The following GPC5 variants were observed in gnomAD, a reference collection of about 807,000 sequenced individuals.
The protein encoded by GPC5 is glypican 5.
A neutral mutation model predicts 53.9 loss-of-function variants in GPC5; 47 were observed. The observed-to-expected ratio is 0.87, with a 90% CI of 0.69 to 1.11. The LOEUF (loss-of-function observed/expected upper bound fraction) is 1.11. GPC5 is among the 50% of genes most tolerant of loss of function. GPC5 has a pLI of 0.00. For synonymous variants in GPC5, 286 were observed against 263.3 expected, an observed-to-expected ratio of 1.09 and a Z score of -0.84; for missense variants, 748 against 713.1, an observed-to-expected ratio of 1.05 and a Z score of -0.56.
intron 7 of GPC5, among the ~76,000 whole-genome samples, chr13:92,603,221 A>T (rs1039264737): frequency 6.6e-6 from 1 of 152,310 alleles, no homozygotes; most frequent in East Asian, 1.9e-4. Context: ...CAGTCATGAA[A>T]TTAGGTCCTT....
chr13:91,786,945 CTT>C (rs34996570), intron 5 of GPC5, among the ~76,000 whole-genome samples: 38 of 142,804 alleles, frequency 2.7e-4, no homozygotes, highest in Admixed American at 3.5e-4. Context: ...AAGTGTTTCT[CTT>C]TTTTTTTTTT....
At chr13:92,489,454 G>T (rs545761968) in intron 7 of GPC5, among the ~76,000 whole-genome samples, 1 of 152,234 alleles carries the variant, frequency 6.6e-6, no homozygotes, top group East Asian at 1.9e-4. Context: ...GAAGAATTAG[G>T]CAAGGTAATT....
In GPC5 at chr13:92,791,087, TAGA is replaced by T. The variant is rs1254647721; in HGVS notation, c.1562-75193_1562-75191del. On this transcript the variant is annotated intron_variant, in intron 7 of 7. Transcript: ENST00000377067. ...TATTCTGTGAAATTCAACAGTCAGT[TAGA>T]ATAAAGACCTATTCTGCTCTGTATT... 9.9e-5 allele frequency among the ~76,000 whole-genome samples: 15 copies of T among 152,208 alleles called. No homozygotes were observed. In the East Asian group the frequency reaches 2.9e-3, roughly 30 times the overall value.
At chr13:91,491,783 C>T (rs1290992787) in intron 2 of GPC5, among the ~76,000 whole-genome samples, 1 of 152,134 alleles carries the variant, frequency 6.6e-6, no homozygotes, top group African/African-American at 2.4e-5. Flanking sequence ...TTTGCCTCTC[C>T]TGTCTTCTAT....
chr13:92,044,968 T>A (rs965815365), intron 6 of GPC5, among the ~76,000 whole-genome samples: 1 of 152,210 alleles, frequency 6.6e-6, no homozygotes, highest in Admixed American at 6.5e-5. Context: ...CATCTTATTC[T>A]AAATAGGTTC....
chr13:92,303,913 G>A (rs532125376), intron 7 of GPC5, among the ~76,000 whole-genome samples: 2 of 152,234 alleles, frequency 1.3e-5, no homozygotes, highest in Admixed American at 1.3e-4. Context: ...AGGAGGGTAA[G>A]CACATAAATA....
chr13:92,847,992 G>C lies in GPC5; in HGVS notation c.1562-18290G>C, dbSNP rs1878667171. The stretch of plus-strand genomic sequence containing the variant: ...TCTGACTAGCTTTTTTAGTGGTGAA[G>C]GTAGTTTGGGCAGTGAGTCCCGAAG... On this transcript the variant is annotated intron_variant, in intron 7 of 7. Coordinates refer to ENST00000377067, the MANE Select transcript of GPC5 (RefSeq NM_004466.6). 2.0e-5 allele frequency among the ~76,000 whole-genome samples: 3 copies of C among 152,088 alleles called. No individual in the cohort carries two copies. In the South Asian group the frequency reaches 6.2e-4, roughly 32 times the overall value.
At chr13:91,463,365 A>G (rs1015156962) in intron 2 of GPC5, among the ~76,000 whole-genome samples, 1 of 152,134 alleles carries the variant, frequency 6.6e-6, no homozygotes, top group African/African-American at 2.4e-5. Flanking sequence ...CAACCCATAG[A>G]TACAAAAAGC....
chr13:91,530,203 A>G (rs1886277178), intron 2 of GPC5, among the ~76,000 whole-genome samples: 1 of 152,120 alleles, frequency 6.6e-6, no homozygotes. Flanking sequence ...GATCATCATT[A>G]CTCTTCACTT....
intron 2 of GPC5, among the ~76,000 whole-genome samples, chr13:91,498,586 G>A (rs1323059716): frequency 6.6e-6 from 1 of 152,158 alleles, no homozygotes; most frequent in Non-Finnish European, 1.5e-5. Flanking sequence ...GAATCTGGGA[G>A]ATCATCGTGT....
At chr13:92,067,589 A>C (rs1213875757) in intron 6 of GPC5, among the ~76,000 whole-genome samples, 3 of 152,150 alleles carry the variant, frequency 2.0e-5, no homozygotes, top group South Asian at 2.1e-4. Context: ...TTATCTGTAC[A>C]TAGGAAGATA....
intron 2 of GPC5, among the ~76,000 whole-genome samples, chr13:91,661,567 GA>G (rs994675129): frequency 9.2e-5 from 14 of 151,974 alleles, no homozygotes; most frequent in African/African-American, 2.7e-4. Flanking sequence ...GTACTGTGGG[GA>G]AAAAAAAGTA....
intron 5 of GPC5, among the ~76,000 whole-genome samples, chr13:91,874,360 C>T (rs2039179925): frequency 6.6e-6 from 1 of 151,800 alleles, no homozygotes; most frequent in Admixed American, 6.6e-5. Context: ...GTTTTTATCA[C>T]CTTTATAGGA....
intron 7 of GPC5, among the ~76,000 whole-genome samples, chr13:92,321,856 T>C (rs1256012572): frequency 4.6e-5 from 7 of 152,176 alleles, no homozygotes; most frequent in East Asian, 1.9e-4. Context: ...GTATTGCTGG[T>C]CCACTTTCTT....
intron 7 of GPC5, among the ~76,000 whole-genome samples, chr13:92,595,210 G>T (rs1378227696): frequency 1.3e-5 from 2 of 152,068 alleles, no homozygotes; most frequent in African/African-American, 4.8e-5. Flanking sequence ...AAAGCTTTAT[G>T]CCCCCCTTTT....
chr13:91,550,807 T>A (rs1434684100), intron 2 of GPC5, among the ~76,000 whole-genome samples: 1 of 152,102 alleles, frequency 6.6e-6, no homozygotes, highest in East Asian at 1.9e-4. Context: ...TCCCCCATAC[T>A]GTTCTTGTGG....
At chr13:92,711,241 C>A (rs79642346) in intron 7 of GPC5, among the ~76,000 whole-genome samples, 2,520 of 152,090 alleles carry the variant, frequency 0.017, 75 homozygotes, top group African/African-American at 0.058. Flanking sequence ...GCCACATGAC[C>A]CTACTTATTA....
chr13:91,891,947 CT>C (rs1566326589), intron 5 of GPC5, among the ~76,000 whole-genome samples: 4 of 152,140 alleles, frequency 2.6e-5, no homozygotes. Context: ...GTGACAAAAA[CT>C]TAGAACAACT....
At chr13:92,766,488 T>G (rs1875411067) in intron 7 of GPC5, among the ~76,000 whole-genome samples, 1 of 152,202 alleles carries the variant, frequency 6.6e-6, no homozygotes, top group Non-Finnish European at 1.5e-5. Flanking sequence ...CATGAGTTCT[T>G]TGTTTTCTGT....
Sources: gnomAD v4.1 joint callset for allele counts (sites outside exome capture counted in the v4.1 genomes callset) on GRCh38, gnomAD v4.1.1 for gene constraint, MANE v1.5 for transcripts, NCBI Gene and HGNC (gene_info 2026-07-23, HGNC 2026-07-21) for gene names.